The following RBFOX2 variants were observed in gnomAD, a reference collection of about 807,000 sequenced individuals.
RBFOX2 encodes RNA binding protein fox-1 homolog 2.
RBFOX2 carries 10 observed loss-of-function variants against 49.1 expected under a neutral mutation model. The ratio of observed to expected loss-of-function variants is 0.20; its 90% confidence interval spans 0.13 to 0.35. The LOEUF (loss-of-function observed/expected upper bound fraction) is 0.35. Among genes scored for constraint, RBFOX2 ranks in the 10% least tolerant of loss-of-function variants. RBFOX2 has a pLI of 1.00. For missense variants in RBFOX2, 323 were observed against 486.9 expected (o/e 0.66, Z 3.17); for synonymous variants, 183 against 187.4 (o/e 0.98, Z 0.19).
At chr22:35,978,902 G>C (rs779647211) in intron 1 of RBFOX2, among the ~76,000 whole-genome samples, 8 of 152,114 alleles carry the variant, frequency 5.3e-5, no homozygotes, top group Non-Finnish European at 1.2e-4. Context: ...GCGCTAAGGA[G>C]GTTAGGTATA....
chr22:35,852,659 A>G (rs1450774399), intron 1 of RBFOX2, among the ~76,000 whole-genome samples: 1 of 152,182 alleles, frequency 6.6e-6, no homozygotes, highest in Non-Finnish European at 1.5e-5. Context: ...AGTATCTTAA[A>G]TCACTATTAA....
intron 1 of RBFOX2, among the ~76,000 whole-genome samples, chr22:35,866,046 T>C (rs1270122436): frequency 6.6e-6 from 1 of 152,210 alleles, no homozygotes; most frequent in Non-Finnish European, 1.5e-5. Context: ...CTACATATGC[T>C]ACAGATTGAT....
chr22:35,807,369 G>C (rs1950951464), intron 2 of RBFOX2, among the ~76,000 whole-genome samples: 1 of 151,810 alleles, frequency 6.6e-6, no homozygotes, highest in African/African-American at 2.4e-5. Flanking sequence ...CATAAAACAA[G>C]TCTCAATAAA....
chr22:35,928,730 TAA>T (rs951292829), intron 1 of RBFOX2, among the ~76,000 whole-genome samples: 2 of 152,050 alleles, frequency 1.3e-5, no homozygotes, highest in Admixed American at 6.6e-5. Context: ...CCAGAATATA[TAA>T]AGACTTCTTA....
chr22:35,920,500 T>C (rs570194448), intron 1 of RBFOX2, among the ~76,000 whole-genome samples: 2 of 152,338 alleles, frequency 1.3e-5, no homozygotes, highest in South Asian at 4.1e-4. Flanking sequence ...GGGCTCACTT[T>C]AACCTCAAAC....
At chr22:35,908,428 G>C (rs930246060) in intron 1 of RBFOX2, among the ~76,000 whole-genome samples, 1 of 152,192 alleles carries the variant, frequency 6.6e-6, no homozygotes, top group Non-Finnish European at 1.5e-5. Flanking sequence ...TTAGGTTACA[G>C]TTGGGTAAAA....
chr22:35,952,255 G>A (rs546237635), intron 1 of RBFOX2, among the ~76,000 whole-genome samples: 18 of 152,252 alleles, frequency 1.2e-4, no homozygotes, highest in African/African-American at 1.9e-4. Flanking sequence ...GGACTTCACC[G>A]CATGCACCTT....
rs139243121 is a variant in RBFOX2 at position 35,969,658 on chromosome 22, G to A, written c.187-30761C>T. 6.6e-4 allele frequency among the ~76,000 whole-genome samples: 101 copies of A among 152,230 alleles called. 1 individual carries two copies. The highest frequency in any genetic ancestry group is 2.1e-3 in the African/African-American group (89 of 41,532). Reference sequence around the variant, plus strand: ...TTGCCTCCTTCCTCTCTCCAGCATCGGCTCTTTATATATCAGAGGCAGGAA... The same window carrying A: ...TTGCCTCCTTCCTCTCTCCAGCATCAGCTCTTTATATATCAGAGGCAGGAA... On this transcript the variant is annotated intron_variant, in intron 1 of 13. Coordinates refer to the RBFOX2 transcript ENST00000438146.
At chr22:35,872,630 G>A (rs533480073) in intron 1 of RBFOX2, among the ~76,000 whole-genome samples, 43 of 152,256 alleles carry the variant, frequency 2.8e-4, no homozygotes, top group Non-Finnish European at 4.0e-4. Context: ...GCCAAACTCC[G>A]CCTTGTCCCA....
At chr22:36,017,253 G>A (rs1013568556) in intron 1 of RBFOX2, among the ~76,000 whole-genome samples, 4 of 152,072 alleles carry the variant, frequency 2.6e-5, no homozygotes, top group African/African-American at 7.2e-5. Flanking sequence ...TTACAGTGCC[G>A]GGCACGTGGC....
At chr22:35,790,911 G>T (rs1311595388) in intron 2 of RBFOX2, among the ~76,000 whole-genome samples, 1 of 152,076 alleles carries the variant, frequency 6.6e-6, no homozygotes, top group Non-Finnish European at 1.5e-5. Context: ...GGGAGGCTGA[G>T]GTGGGAGGAT....
At chr22:35,886,919 G>A (rs558434194) in intron 1 of RBFOX2, among the ~76,000 whole-genome samples, 2 of 152,262 alleles carry the variant, frequency 1.3e-5, no homozygotes, top group African/African-American at 4.8e-5. Context: ...TGTCGTTGTT[G>A]GGAAAAGGAC....
chr22:35,993,629 A>T (rs2058067817), intron 1 of RBFOX2: 1 of 152,234 alleles, frequency 6.6e-6, no homozygotes, highest in East Asian at 1.9e-4. Flanking sequence ...ATGAGATAAT[A>T]AGTGTTTGTT....
chr22:35,902,949 C>G (rs545615578), intron 1 of RBFOX2, among the ~76,000 whole-genome samples: 4 of 152,240 alleles, frequency 2.6e-5, no homozygotes, highest in African/African-American at 9.6e-5. Flanking sequence ...AGCCACTACA[C>G]ACAACCTCTT....
chr22:35,923,794 G>A (rs2051299148), intron 1 of RBFOX2, among the ~76,000 whole-genome samples: 1 of 151,238 alleles, frequency 6.6e-6, no homozygotes, highest in Admixed American at 6.6e-5. Flanking sequence ...ACCCATTACA[G>A]GTATTACAGC....
intron 1 of RBFOX2, among the ~76,000 whole-genome samples, chr22:35,865,138 G>C (rs2149123974): frequency 6.6e-6 from 1 of 152,184 alleles, no homozygotes; most frequent in East Asian, 1.9e-4. Context: ...TACATACATG[G>C]ATGGATGGAT....
chr22:35,886,145 C>T (rs551122635), intron 1 of RBFOX2, among the ~76,000 whole-genome samples: 2 of 152,118 alleles, frequency 1.3e-5, no homozygotes, highest in African/African-American at 4.8e-5. Flanking sequence ...CGTGAGCCAC[C>T]GCGCCCGGCC....
At chr22:35,767,325 T>C (rs944488542) in intron 5 of RBFOX2, among the ~76,000 whole-genome samples, 1 of 152,252 alleles carries the variant, frequency 6.6e-6, no homozygotes, top group African/African-American at 2.4e-5. Context: ...GTTTTGTAAT[T>C]ACATTTTTAA....
At chr22:35,814,040 AATGTAAC>A (rs1216563624) in intron 1 of RBFOX2, among the ~76,000 whole-genome samples, 1 of 152,268 alleles carries the variant, frequency 6.6e-6, no homozygotes, top group Non-Finnish European at 1.5e-5. Context: ...GTGAAAATCA[AATGTAAC>A]TATTAATTTC....
Sources: allele counts gnomAD v4.1 joint callset (sites outside exome capture counted in the v4.1 genomes callset), GRCh38; gene constraint gnomAD v4.1.1; transcripts MANE v1.5; gene names NCBI Gene and HGNC (gene_info 2026-07-23, HGNC 2026-07-21).